PTPRD: variants seen among roughly 807,000 people sequenced by gnomAD.
The protein encoded by PTPRD is receptor-type tyrosine-protein phosphatase delta.
A neutral mutation model predicts 214.5 loss-of-function variants in PTPRD; 34 were observed. The ratio of observed to expected loss-of-function variants is 0.16; its 90% CI spans 0.12 to 0.21. The LOEUF (loss-of-function observed/expected upper bound fraction) is 0.21, where lower values mean the gene tolerates loss of function less well. PTPRD is among the 10% of genes least tolerant of loss of function. PTPRD has a pLI of 1.00. For missense variants in PTPRD, 2,545 were observed against 2,398.7 expected, an observed-to-expected ratio of 1.06 and a Z score of -1.27; for synonymous variants, 1,128 against 845.7, an observed-to-expected ratio of 1.33 and a Z score of -5.79.
At chr9:9,021,979 G>C (rs982466656) in intron 10 of PTPRD, among the ~76,000 whole-genome samples, 2 of 151,918 alleles carry the variant, frequency 1.3e-5, no homozygotes, top group South Asian at 2.1e-4. Context: ...GTAGCGGGGT[G>C]GGGGGCAAGG....
intron 9 of PTPRD, among the ~76,000 whole-genome samples, chr9:9,199,608 C>T (rs1016732974): frequency 2.0e-5 from 3 of 152,062 alleles, no homozygotes. Context: ...GTTTTAGCCA[C>T]AGATCACCAT....
At chr9:10,390,567 G>C (rs561320388) in intron 2 of PTPRD, among the ~76,000 whole-genome samples, 1 of 151,732 alleles carries the variant, frequency 6.6e-6, no homozygotes, top group Non-Finnish European at 1.5e-5. Context: ...TCAATAGAGT[G>C]GTCAGTGTTT....
intron 11 of PTPRD, among the ~76,000 whole-genome samples, chr9:8,893,946 A>T (rs1043149096): frequency 3.3e-5 from 5 of 151,852 alleles, no homozygotes; most frequent in African/African-American, 1.2e-4. Flanking sequence ...TGTGGAAGTA[A>T]AAAAAAATAG....
At chr9:10,596,860 A>T (rs972000306) in intron 2 of PTPRD, among the ~76,000 whole-genome samples, 1 of 151,652 alleles carries the variant, frequency 6.6e-6, no homozygotes, top group Non-Finnish European at 1.5e-5. Flanking sequence ...CTGCATGAAC[A>T]TGAAAAACGT....
Position 9,887,316 on chromosome 9 carries a change from A to T in PTPRD, c.-368+51191T>A, listed in dbSNP as rs137893977. ...TGGATATTGTTATTTCTATACCTCTATGTTTTTGTCACTGAGATATGAATC... is the reference window on the plus strand; with the variant it reads ...TGGATATTGTTATTTCTATACCTCTTTGTTTTTGTCACTGAGATATGAATC... On this transcript the variant is annotated intron_variant, in intron 5 of 45. Coordinates refer to ENST00000381196, the MANE Select transcript of PTPRD (RefSeq NM_002839.4). Among the ~76,000 whole-genome samples, 1,359 of 152,148 alleles carry T rather than the reference A, an allele frequency of 8.9e-3. 22 individuals are homozygous for T. Among genetic ancestry groups the T allele is most frequent in the African/African-American group, 0.027 (1,130 of 41,522 alleles).
chr9:8,897,970 A>G (rs527563429), intron 11 of PTPRD, among the ~76,000 whole-genome samples: 235 of 152,312 alleles, frequency 1.5e-3, no homozygotes, highest in Middle Eastern at 3.4e-3. Context: ...ATGCTACATA[A>G]TTAAAGATTT....
Position 8,486,144 on chromosome 9 carries a change from G to A in PTPRD, c.2673C>T (p.Tyr891=), listed in dbSNP as rs1055243561. The change falls in exon 28 of 46, where the codon TAC becomes TAT. Residue 891 remains tyrosine (Y), a synonymous_variant. Coordinates refer to ENST00000381196, the MANE Select transcript of PTPRD (RefSeq NM_002839.4). ...TATDIHKGAS[Y]VFRLSARNKV... ...TGTTTCTGGCTGAGAGCCTGAAGAC[G>A]TATGATGCTCCCTTGTGGATGTCTG... 1.9e-6 allele frequency: 3 copies of A among 1,614,044 alleles called. No individual in the cohort carries two copies. The highest frequency in any genetic ancestry group is 1.7e-5 in the Admixed American group (1 of 60,008).
chr9:10,116,753 T>C (rs912744053), intron 3 of PTPRD, among the ~76,000 whole-genome samples: 2 of 152,124 alleles, frequency 1.3e-5, no homozygotes, highest in South Asian at 2.1e-4. Context: ...GCTTGACTCA[T>C]AGTGAAGTTC....
intron 2 of PTPRD, among the ~76,000 whole-genome samples, chr9:10,450,398 T>C (rs2098833169): frequency 6.6e-6 from 1 of 152,056 alleles, no homozygotes; most frequent in Non-Finnish European, 1.5e-5. Context: ...AGCTTGCTGT[T>C]GGGAACTATA....
intron 7 of PTPRD, among the ~76,000 whole-genome samples, chr9:9,665,647 G>A (rs2096707752): frequency 6.6e-6 from 1 of 151,654 alleles, no homozygotes; most frequent in Non-Finnish European, 1.5e-5. Flanking sequence ...TCTCTCAGCT[G>A]TGTCTCCACC....
intron 10 of PTPRD, among the ~76,000 whole-genome samples, chr9:9,127,144 C>G (rs1168579913): frequency 6.6e-6 from 1 of 152,042 alleles, no homozygotes; most frequent in Admixed American, 6.6e-5. Context: ...AGGCTGGGAC[C>G]ATGTACACAT....
At chr9:9,284,769 G>A (rs1240823113) in intron 9 of PTPRD, among the ~76,000 whole-genome samples, 2 of 151,756 alleles carry the variant, frequency 1.3e-5, no homozygotes, top group African/African-American at 4.8e-5. Flanking sequence ...TCTTGGCTCC[G>A]TTATTAACTA....
intron 14 of PTPRD, among the ~76,000 whole-genome samples, chr9:8,535,772 A>G (rs573896657): frequency 6.6e-6 from 1 of 152,046 alleles, no homozygotes; most frequent in African/African-American, 2.4e-5. Context: ...CTGTTTGGGG[A>G]AAATGATATA....
intron 9 of PTPRD, among the ~76,000 whole-genome samples, chr9:9,263,680 G>C (rs1447914970): frequency 6.6e-6 from 1 of 151,488 alleles, no homozygotes; most frequent in East Asian, 2.0e-4. Flanking sequence ...TCATCTGCTA[G>C]CCACAGAAGA....
chr9:9,143,893 A>T (rs556797639), intron 10 of PTPRD, among the ~76,000 whole-genome samples: 1 of 152,338 alleles, frequency 6.6e-6, no homozygotes, highest in South Asian at 2.1e-4. Context: ...TTCCTCTTAC[A>T]CGTAATACCT....
intron 2 of PTPRD, among the ~76,000 whole-genome samples, chr9:10,366,932 G>A (rs1192150789): frequency 6.6e-6 from 1 of 152,170 alleles, no homozygotes; most frequent in Non-Finnish European, 1.5e-5. Context: ...TGATTAGGAA[G>A]AAGGAAGTTT....
At chr9:10,176,577 T>C (rs1027231157) in intron 3 of PTPRD, among the ~76,000 whole-genome samples, 34 of 151,910 alleles carry the variant, frequency 2.2e-4, no homozygotes, top group African/African-American at 7.5e-4. Context: ...GTAAAAGTGA[T>C]TGGAAAAGGT....
At chr9:9,886,119 C>T (rs754180573) in intron 5 of PTPRD, among the ~76,000 whole-genome samples, 8 of 151,920 alleles carry the variant, frequency 5.3e-5, no homozygotes, top group African/African-American at 1.2e-4. Context: ...CAGCCACTTC[C>T]GGAAAAAGAA....
intron 35 of PTPRD, among the ~76,000 whole-genome samples, chr9:8,412,606 G>T (rs1391904807): frequency 6.6e-6 from 1 of 152,136 alleles, no homozygotes; most frequent in Non-Finnish European, 1.5e-5. Flanking sequence ...AATGCTAGAT[G>T]TTTTGCCTTC....
Sources: gnomAD v4.1 joint callset for allele counts (sites outside exome capture counted in the v4.1 genomes callset) on GRCh38, gnomAD v4.1.1 for gene constraint, MANE v1.5 for transcripts, NCBI Gene and HGNC (gene_info 2026-07-23, HGNC 2026-07-21) for gene names.